The following HAMP variants were observed in gnomAD, a reference collection of about 807,000 sequenced individuals.
HAMP encodes hepcidin.
HAMP carries 5 observed loss-of-function variants against 7.8 expected under a neutral mutation model. The ratio of observed to expected loss-of-function variants is 0.64; its 90% CI spans 0.33 to 1.34. The LOEUF is 1.34. HAMP is among the 40% of genes most tolerant of loss of function. HAMP has a pLI of 0.05. For missense variants in HAMP, 105 were observed against 104.1 expected (o/e 1.01, Z -0.04); for synonymous variants, 52 against 38.6 (o/e 1.35, Z -1.28).
chr19:35,282,634 C>T lies in HAMP; in HGVS notation c.57C>T (p.Ala19=), dbSNP rs773184259. The T allele has an allele frequency of 2.5e-6, 4 of 1,614,148 alleles. No homozygotes were observed. The South Asian group carries it at 3.3e-5, about 13-fold the overall frequency. ...AACLLLLLLL[A]SLTSGSVFPQ... ...GCCTCCTGCTCCTCCTCCTCCTCGC[C>T]AGCCTGACCAGTGGCTCTGTTTTCC... Residue 19 remains alanine, a synonymous_variant, in exon 1 of 3, where the codon GCC becomes GCT. Coordinates refer to ENST00000222304, the MANE Select transcript of HAMP (RefSeq NM_021175.4).
intron 1 of HAMP, 147 bp from the exon 2 acceptor site, chr19:35,284,642 G>A: frequency 1.5e-6 from 1 of 658,670 alleles, no homozygotes; most frequent in African/African-American, 1.8e-5. Context: ...ATGGGAAGGT[G>A]AGCAGAAGCA....
chr19:35,282,563 C>G lies in HAMP; in HGVS notation c.-15C>G. ...GCTCAAGACCCAGCAGTGGGACAGC[C>G]AGACAGACGGCACGATGGCACTGAG... On this transcript the variant is annotated 5_prime_UTR_variant, in exon 1 of 3. Coordinates refer to ENST00000222304, the MANE Select transcript of HAMP (RefSeq NM_021175.4). 1 of 1,609,500 alleles carries G rather than the reference C, an allele frequency of 6.2e-7. No individual in the cohort carries two copies.
chr19:35,284,808 T>C lies in HAMP; in HGVS notation c.110T>C (p.Leu37Pro), dbSNP rs1200392968. The change falls in exon 2 of 3, where the codon CTG (leucine) becomes CCG (proline). Residue 37 changes from leucine (L) to proline (P), a missense_variant. Coordinates refer to ENST00000222304, the MANE Select transcript of HAMP (RefSeq NM_021175.4). The stretch of plus-strand genomic sequence containing the variant: ...TCACAGACGGGACAACTTGCAGAGC[T>C]GCAACCCCAGGACAGAGCTGGAGCC... ...FPQQTGQLAE[L>P]QPQDRAGARA... The C allele has an allele frequency of 6.2e-7, 1 of 1,613,980 alleles. No individual in the cohort carries two copies. Among genetic ancestry groups the C allele is most frequent in the South Asian group, 1.1e-5 (1 of 91,084 alleles).
Position 35,285,142 on chromosome 19 carries a change from A to T in HAMP, c.*100A>T, listed in dbSNP as rs1288192336. ...AAATGGCTGGTTCTTTTGTTTTCCA[A>T]ACCAGAGTGTCTGTTGTCCTTTCTC... On this transcript the variant is annotated 3_prime_UTR_variant, in exon 3 of 3. Transcript: ENST00000222304. The T allele has an allele frequency of 7.4e-6, 6 of 813,434 alleles. No homozygotes were observed. The highest frequency in any genetic ancestry group is 5.0e-5 in the African/African-American group (3 of 59,670). 50.4% of individuals were successfully genotyped at this position (813,434 alleles called of 1,614,324 possible). A position where few individuals can be genotyped will look rare whatever the true frequency, so the allele number is the denominator to read the frequency against.
In HAMP at chr19:35,284,960, G is replaced by T; in HGVS notation, c.173G>T (p.Arg58Met). 1 of 1,613,956 alleles carries T rather than the reference G, an allele frequency of 6.2e-7. No homozygotes were observed. Among genetic ancestry groups the T allele is most frequent in the Non-Finnish European group, 8.5e-7 (1 of 1,179,848 alleles). ...CAGCCCATGTTCCAGAGGCGAAGGA[G>T]GCGAGACACCCACTTCCCCATCTGC... ...SWMPMFQRRRRRDTHFPICIF... is the reference protein window; with the variant it reads ...SWMPMFQRRRMRDTHFPICIF... The change falls in exon 3 of 3, where the codon AGG (arginine) becomes ATG (methionine). Residue 58 changes from arginine to methionine, a missense_variant. Arg to Met is a moderately conservative substitution (Grantham distance 91). Transcript: ENST00000222304.
In HAMP at chr19:35,282,529, C is replaced by G. The variant is rs112320853; in HGVS notation, c.-49C>G. On this transcript the variant is annotated 5_prime_UTR_variant, in exon 1 of 3. Transcript: ENST00000222304. ...AGCGACTGTCACTCGGTCCCAGACACCAGAGCAAGCTCAAGACCCAGCAGT... is the reference window on the plus strand; with the variant it reads ...AGCGACTGTCACTCGGTCCCAGACAGCAGAGCAAGCTCAAGACCCAGCAGT... 1 of 1,465,132 alleles carries G rather than the reference C, an allele frequency of 6.8e-7. No individual in the cohort carries two copies. Among genetic ancestry groups the G allele is most frequent in the Non-Finnish European group, 9.6e-7 (1 of 1,044,144 alleles). The allele number at this position is 1,465,132 out of a possible 1,614,324, so 90.8% of individuals were successfully genotyped here.
At chr19:35,283,460 A>G (rs2066312549) in intron 1 of HAMP, 1 of 152,046 alleles carries the variant, frequency 6.6e-6, no homozygotes, top group African/African-American at 2.4e-5. Context: ...TGCAGCCTCA[A>G]CCTCCTGTGC....
In HAMP at chr19:35,284,554, T is replaced by TA. The variant is rs1184830330; in HGVS notation, c.91-234dup. Reference sequence around the variant, plus strand: ...CTGGCATCCAGGCAGGGGAAGGTGATATCCCAAAGAAGAGTAGCAGCTGTG... The same window carrying TA: ...CTGGCATCCAGGCAGGGGAAGGTGATAATCCCAAAGAAGAGTAGCAGCTGTG... On this transcript the variant is annotated intron_variant, in intron 1 of 2. Coordinates refer to ENST00000222304, the MANE Select transcript of HAMP (RefSeq NM_021175.4). 7 of 592,018 alleles carry TA rather than the reference T, an allele frequency of 1.2e-5. No individual in the cohort carries two copies. The Admixed American group carries it at 2.1e-4, about 18-fold the overall frequency. 36.7% of individuals were successfully genotyped at this position (592,018 alleles called of 1,614,324 possible).
rs918556578 is a variant in HAMP, at chr19:35,284,960, G to A, written c.173G>A (p.Arg58Lys). Residue 58 changes from arginine (R) to lysine (K), a missense_variant, in exon 3 of 3, where the codon AGG becomes AAG. By Grantham distance (26) the Arg-to-Lys change is conservative (BLOSUM62 2). Coordinates refer to ENST00000222304, the MANE Select transcript of HAMP (RefSeq NM_021175.4). ...SWMPMFQRRR[R>K]RDTHFPICIF... is the part of the protein sequence containing the mutation. ...CAGCCCATGTTCCAGAGGCGAAGGA[G>A]GCGAGACACCCACTTCCCCATCTGC... 2.5e-6 allele frequency: 4 copies of A among 1,613,956 alleles called. No individual in the cohort carries two copies. Among genetic ancestry groups the A allele is most frequent in the Admixed American group, 1.7e-5 (1 of 60,012 alleles).
At chr19:35,284,290 A>T (rs1490746273) in intron 1 of HAMP, 2 of 179,608 alleles carry the variant, frequency 1.1e-5, no homozygotes. Flanking sequence ...ACAAAAAATT[A>T]AAAAATTAGC....
In HAMP at chr19:35,285,045, C is replaced by A; in HGVS notation, c.*3C>A. 2.5e-6 allele frequency: 4 copies of A among 1,578,788 alleles called. No homozygotes were observed. Among genetic ancestry groups the A allele is most frequent in the Non-Finnish European group, 3.5e-6 (4 of 1,147,612 alleles). On this transcript the variant is annotated 3_prime_UTR_variant, in exon 3 of 3. Coordinates refer to ENST00000222304, the MANE Select transcript of HAMP (RefSeq NM_021175.4). ...GTGGGATGTGCTGCAAGACGTAGAACCTACCTGCCCTGCCCCCGTCCCCTC... is the reference window on the plus strand; with the variant it reads ...GTGGGATGTGCTGCAAGACGTAGAAACTACCTGCCCTGCCCCCGTCCCCTC...
chr19:35,284,791 G>C lies in HAMP; in HGVS notation c.93G>C (p.Thr31=). ...LTSGSVFPQQ[T]GQLAELQPQD... is the part of the protein sequence containing the mutation. ...TGCACCCCCTTCTGCTTTCACAGAC[G>C]GGACAACTTGCAGAGCTGCAACCCC... The change falls in exon 2 of 3, where the codon ACG becomes ACC. Residue 31 remains threonine, a splice_region_variant and synonymous_variant. Coordinates refer to ENST00000222304, the MANE Select transcript of HAMP (RefSeq NM_021175.4). 1 of 1,613,616 alleles carries C rather than the reference G, an allele frequency of 6.2e-7. No individual in the cohort carries two copies. Among genetic ancestry groups the C allele is most frequent in the South Asian group, 1.1e-5 (1 of 91,072 alleles).
In HAMP at chr19:35,284,772, C is replaced by G. The variant is rs769458797; in HGVS notation, c.91-17C>G. 1.9e-6 allele frequency: 3 copies of G among 1,609,806 alleles called. No individual in the cohort carries two copies. Among genetic ancestry groups the G allele is most frequent in the Admixed American group, 1.7e-5 (1 of 60,020 alleles). The stretch of plus-strand genomic sequence containing the variant: ...TGGGCCCCCTGCCATCCTCTGCACC[C>G]CCTTCTGCTTTCACAGACGGGACAA... On this transcript the variant is annotated splice_polypyrimidine_tract_variant and intron_variant, in intron 1 of 2. Coordinates refer to ENST00000222304, the MANE Select transcript of HAMP (RefSeq NM_021175.4).
Position 35,284,954 on chromosome 19 carries a change from G to A in HAMP, c.167G>A (p.Arg56Gln), listed in dbSNP as rs768566070. Residue 56 changes from arginine (R) to glutamine (Q), a missense_variant, in exon 3 of 3, where the codon CGA becomes CAA. Transcript: ENST00000222304. ...RASWMPMFQR[R>Q]RRRDTHFPIC... is the part of the protein sequence containing the mutation. ...TTCCCACAGCCCATGTTCCAGAGGC[G>A]AAGGAGGCGAGACACCCACTTCCCC... 3.4e-5 allele frequency: 55 copies of A among 1,613,624 alleles called. No homozygotes were observed. The highest frequency in any genetic ancestry group is 1.6e-4 in the Middle Eastern group (1 of 6,082).
intron 2 of HAMP, 34 bp from the exon 3 acceptor site, chr19:35,284,904 C>T (rs759921570): frequency 1.8e-5 from 29 of 1,605,130 alleles, no homozygotes; most frequent in African/African-American, 6.7e-5. Flanking sequence ...ATGCTAAGGC[C>T]GGTTCCCTGC....
intron 1 of HAMP, chr19:35,283,413 G>A (rs2066312435): frequency 1.3e-5 from 2 of 152,724 alleles, no homozygotes; most frequent in South Asian, 4.1e-4. Flanking sequence ...TTCCTCTGTT[G>A]CTGAGGCTGG....
chr19:35,285,140 C>T lies in HAMP; in HGVS notation c.*98C>T. On this transcript the variant is annotated 3_prime_UTR_variant, in exon 3 of 3. Transcript: ENST00000222304. ...TAAAATGGCTGGTTCTTTTGTTTTC[C>T]AAACCAGAGTGTCTGTTGTCCTTTC... The T allele has an allele frequency of 1.2e-6, 1 of 826,214 alleles. No homozygotes were observed. Among genetic ancestry groups the T allele is most frequent in the East Asian group, 2.5e-5 (1 of 40,468 alleles). The allele number at this position is 826,214 out of a possible 1,614,324, so 51.2% of individuals were successfully genotyped here. A position where few individuals can be genotyped will look rare whatever the true frequency, so the allele number is the denominator to read the frequency against.
rs202098787 is a variant in HAMP at position 35,284,937 on chromosome 19, G to C, written c.151-1G>C. The C allele has an allele frequency of 1.2e-6, 2 of 1,612,714 alleles. No individual in the cohort carries two copies. The highest frequency in any genetic ancestry group is 2.7e-5 in the African/African-American group (2 of 74,940). The stretch of plus-strand genomic sequence containing the variant: ...TGCTCACATTCCCTTCCTTCCCACA[G>C]CCCATGTTCCAGAGGCGAAGGAGGC... On this transcript the variant is annotated splice_acceptor_variant, in intron 2 of 2. Coordinates refer to ENST00000222304, the MANE Select transcript of HAMP (RefSeq NM_021175.4). LOFTEE classifies it high-confidence loss of function.
rs981014758 is a variant in HAMP at position 35,284,663 on chromosome 19, G to C, written c.91-126G>C. The C allele has an allele frequency of 5.5e-6, 4 of 729,650 alleles. No homozygotes were observed. The Admixed American group carries it at 6.2e-5, about 11-fold the overall frequency. 45.2% of individuals were successfully genotyped at this position (729,650 alleles called of 1,614,324 possible). ...AGGTGAGCAGAAGCAAGAAAGCAAG[G>C]CCCCTCCTAAGAGTCCATTTGAGCT... is the stretch of plus-strand genomic sequence containing the variant. On this transcript the variant is annotated intron_variant, in intron 1 of 2. Transcript: ENST00000222304.
Sources: allele counts gnomAD v4.1 joint callset, GRCh38; gene constraint gnomAD v4.1.1; transcripts MANE v1.5; gene names NCBI Gene and HGNC (gene_info 2026-07-23, HGNC 2026-07-21).